Variants in CPA6 observed in about 807,000 individuals in gnomAD.
The protein encoded by CPA6 is carboxypeptidase A6.
In CPA6, 58 loss-of-function variants were observed where a neutral mutation model predicts 63.3. That is an observed-to-expected ratio of 0.92 (90% CI 0.74 to 1.14). The LOEUF is 1.14. Among genes scored for constraint, CPA6 ranks in the 50% most tolerant of loss-of-function variants. CPA6 has a pLI of 0.00. For synonymous variants in CPA6, 185 were observed against 179.0 expected, an observed-to-expected ratio of 1.03 and a Z score of -0.27; for missense variants, 565 against 526.6, an observed-to-expected ratio of 1.07 and a Z score of -0.71.
At position 67,621,128 on chromosome 8, in the gene CPA6, C is replaced by T. The variant is rs117167089; in HGVS notation, c.192+3048G>A. On this transcript the variant is annotated intron_variant, in intron 2 of 10. Transcript: ENST00000297770. ...AGACAACACTGCATGTTTGTTGTCA[C>T]AAGTTGTTACTGATGGAATTGAGCA... Among the ~76,000 whole-genome samples, 1,157 of 152,298 alleles carry T rather than the reference C, an allele frequency of 7.6e-3. 6 individuals carry two copies. Among genetic ancestry groups the T allele is most frequent in the Middle Eastern group, 0.017 (5 of 294 alleles).
intron 1 of CPA6, among the ~76,000 whole-genome samples, chr8:67,652,331 A>G (rs539160905): frequency 1.4e-4 from 22 of 152,318 alleles, no homozygotes; most frequent in African/African-American, 4.3e-4. Context: ...GACTTCCACA[A>G]TGGTTGAACT....
At chr8:67,673,808 CAG>C (rs1816408913) in intron 1 of CPA6, among the ~76,000 whole-genome samples, 1 of 152,088 alleles carries the variant, frequency 6.6e-6, no homozygotes, top group African/African-American at 2.4e-5. Flanking sequence ...TGCTGTGCGC[CAG>C]ACACTACTGA....
rs769421222 is a variant in CPA6 at position 67,517,948 on chromosome 8, A to G, written c.292T>C (p.Leu98=). The change falls in exon 3 of 11, where the codon TTA becomes CTA. Residue 98 remains leucine, a synonymous_variant. Transcript: ENST00000297770. ...TTGTACTGGATGTTGGCTTCCTGTA[A>G]GAAGGCTAACAGGGCTCGGGAACCA... The part of the protein sequence containing the change: ...QNGSRALLAF[L]QEANIQYKVL... The G allele has an allele frequency of 1.9e-6, 3 of 1,612,460 alleles. No individual in the cohort carries two copies. The East Asian group carries it at 6.7e-5, about 36-fold the overall frequency.
chr8:67,605,531 C>CTT (rs68153641), intron 2 of CPA6, among the ~76,000 whole-genome samples: 1,463 of 125,176 alleles, frequency 0.012, 23 homozygotes, highest in Admixed American at 0.018. Context: ...TATTGTATTG[C>CTT]TTTTTTTTTT....
intron 2 of CPA6, among the ~76,000 whole-genome samples, chr8:67,528,604 T>A (rs1194619165): frequency 2.0e-5 from 3 of 152,076 alleles, no homozygotes; most frequent in Admixed American, 2.0e-4. Context: ...CCAGTCTGGA[T>A]AATACTACCA....
intron 1 of CPA6, among the ~76,000 whole-genome samples, chr8:67,705,863 G>A (rs1401918960): frequency 2.6e-5 from 4 of 152,080 alleles, no homozygotes; most frequent in Admixed American, 6.6e-5. Context: ...GGGCTCACAC[G>A]GCAACATGCA....
chr8:67,574,630 AAT>A (rs1232024481), intron 2 of CPA6, among the ~76,000 whole-genome samples: 1 of 152,180 alleles, frequency 6.6e-6, no homozygotes, highest in East Asian at 1.9e-4. Flanking sequence ...AAGAATATAC[AAT>A]GGGAAAAGGA....
At chr8:67,589,567 T>G (rs1166110256) in intron 2 of CPA6, among the ~76,000 whole-genome samples, 3 of 152,206 alleles carry the variant, frequency 2.0e-5, no homozygotes, top group Non-Finnish European at 2.9e-5. Flanking sequence ...GTGAGCTCCT[T>G]CAGAAGTTAT....
chr8:67,607,106 TTCC>T (rs1196391380), intron 2 of CPA6, among the ~76,000 whole-genome samples: 7,248 of 77,678 alleles, frequency 0.093, 1,339 homozygotes, highest in East Asian at 0.24. Context: ...TTCTTCTTCT[TTCC>T]TCCTCCTCCT....
intron 9 of CPA6, among the ~76,000 whole-genome samples, chr8:67,430,574 G>T (rs1563949345): frequency 6.6e-6 from 1 of 152,032 alleles, no homozygotes; most frequent in Non-Finnish European, 1.5e-5. Flanking sequence ...AAATTTAATG[G>T]TTTCTGCTTA....
intron 1 of CPA6, among the ~76,000 whole-genome samples, chr8:67,744,838 G>A (rs1194690556): frequency 3.3e-5 from 5 of 152,086 alleles, no homozygotes; most frequent in African/African-American, 7.2e-5. Flanking sequence ...GGAAAAATCC[G>A]TGATCATATT....
rs914882224 is a variant in CPA6, at chr8:67,634,774, T to C, written c.117-10523A>G. 1.4e-4 allele frequency among the ~76,000 whole-genome samples: 21 copies of C among 151,666 alleles called. 2 individuals are homozygous for C. Among genetic ancestry groups the C allele is most frequent in the Non-Finnish European group, 1.2e-4 (8 of 68,032 alleles). On this transcript the variant is annotated intron_variant, in intron 1 of 10. Coordinates refer to ENST00000297770, the MANE Select transcript of CPA6 (RefSeq NM_020361.5). ...TGGTAGATGCCAGGGAGACAGCAGT[T>C]CCTGCTGGTGATGAGTTTATAGTCA...
intron 6 of CPA6, among the ~76,000 whole-genome samples, chr8:67,499,673 G>C (rs1393881213): frequency 1.3e-5 from 2 of 152,050 alleles, no homozygotes; most frequent in Non-Finnish European, 2.9e-5. Flanking sequence ...CCCTAACCCT[G>C]AGCAGTCACT....
At chr8:67,550,000 C>T (rs774795702) in intron 2 of CPA6, among the ~76,000 whole-genome samples, 2 of 152,152 alleles carry the variant, frequency 1.3e-5, no homozygotes, top group Non-Finnish European at 2.9e-5. Flanking sequence ...TGGGTAAATA[C>T]TCAGAAGTGA....
chr8:67,569,447 C>G, intron 2 of CPA6: 1 of 241,878 alleles, frequency 4.1e-6, no homozygotes, highest in Non-Finnish European at 8.7e-6. Context: ...ACTGTCTCTG[C>G]TACGGAGCAT....
intron 1 of CPA6, among the ~76,000 whole-genome samples, chr8:67,696,787 A>T (rs1439857800): frequency 1.3e-5 from 2 of 152,132 alleles, no homozygotes; most frequent in African/African-American, 4.8e-5. Context: ...CATATCCTGG[A>T]AAAGGTAAAC....
intron 2 of CPA6, among the ~76,000 whole-genome samples, chr8:67,578,897 G>A (rs1189075417): frequency 6.6e-6 from 1 of 151,946 alleles, no homozygotes; most frequent in Admixed American, 6.6e-5. Context: ...AGTAACACAG[G>A]ATAAACATCC....
At position 67,691,245 on chromosome 8, in the gene CPA6, C is replaced by T. The variant is rs762835580; in HGVS notation, c.116+54769G>A. On this transcript the variant is annotated intron_variant, in intron 1 of 10. Transcript: ENST00000297770. Reference sequence around the variant, plus strand: ...AGTACATGCTATGGATTTATGTAAGCGCACAGCTCTACACCTGTGATCGAG... The same window carrying T: ...AGTACATGCTATGGATTTATGTAAGTGCACAGCTCTACACCTGTGATCGAG... Among the ~76,000 whole-genome samples, 9 of 152,288 alleles carry T rather than the reference C, an allele frequency of 5.9e-5. No homozygotes were observed. The East Asian group carries it at 1.2e-3, about 20-fold the overall frequency.
At chr8:67,708,344 G>C (rs946838952) in intron 1 of CPA6, among the ~76,000 whole-genome samples, 2 of 152,128 alleles carry the variant, frequency 1.3e-5, no homozygotes, top group Non-Finnish European at 2.9e-5. Context: ...AAGAGCAGGA[G>C]AGAAAAAAAT....
Sources: gnomAD v4.1 joint callset for allele counts (sites outside exome capture counted in the v4.1 genomes callset) on GRCh38, gnomAD v4.1.1 for gene constraint, MANE v1.5 for transcripts, NCBI Gene and HGNC (gene_info 2026-07-23, HGNC 2026-07-21) for gene names.